Variants in FIBCD1 observed in about 807,000 individuals in gnomAD.
The protein encoded by FIBCD1 is fibrinogen C domain-containing protein 1.
Under a neutral mutation model 45.1 loss-of-function variants are expected in FIBCD1, and 47 were observed. That is an observed-to-expected ratio of 1.04 (90% CI 0.82 to 1.33). FIBCD1 has a LOEUF of 1.33. FIBCD1 is among the 40% of genes most tolerant of loss of function. The pLI is 0.00. For missense variants in FIBCD1, 653 were observed against 682.2 expected, an observed-to-expected ratio of 0.96 and a Z score of 0.48; for synonymous variants, 313 against 308.1, an observed-to-expected ratio of 1.02 and a Z score of -0.17.
At chr9:130,935,275 A>C (rs1486787748) in intron 1 of FIBCD1, among the ~76,000 whole-genome samples, 1 of 152,226 alleles carries the variant, frequency 6.6e-6, no homozygotes, top group African/African-American at 2.4e-5. Flanking sequence ...GACAGCTCAG[A>C]AACAAGCCCC....
At chr9:130,930,133 G>T in intron 1 of FIBCD1, 87 bp from the exon 2 acceptor site, 1 of 1,430,964 alleles carries the variant, frequency 7.0e-7, no homozygotes, top group East Asian at 2.5e-5. Flanking sequence ...GGGGTCAGAG[G>T]ACCCCCTTCT....
Position 130,904,120 on chromosome 9 carries a change from G to A in FIBCD1, c.1330C>T (p.Gln444Ter). 6.2e-7 allele frequency: 1 copy of A among 1,613,258 alleles called. No individual in the cohort carries two copies. The highest frequency in any genetic ancestry group is 8.5e-7 in the Non-Finnish European group (1 of 1,179,872). ...ATCTCAGAGAACTTGAGTGAGTACT[G>A]CCAGCCGGTCCAGGAGGACCACTCC... Reference protein sequence around the residue: ...GVEWSSWTGWQYSLKFSEMKI... With the variant: ...GVEWSSWTGW Residue 444 changes from glutamine to a stop codon, truncating the protein, a stop_gained, in exon 7 of 7, where the codon CAG becomes TAG. Coordinates refer to ENST00000372338, the MANE Select transcript of FIBCD1 (RefSeq NM_032843.5). LOFTEE classifies it high-confidence loss of function.
At chr9:130,911,761 A>C (rs770604739) in intron 5 of FIBCD1, 31 bp downstream of exon 5, 1 of 1,572,138 alleles carries the variant, frequency 6.4e-7, no homozygotes, top group Non-Finnish European at 8.6e-7. Context: ...GAGGAGGCCC[A>C]CCTGGGCCGG....
At chr9:130,930,261 G>A (rs1276937611) in intron 1 of FIBCD1, among the ~76,000 whole-genome samples, 3 of 152,172 alleles carry the variant, frequency 2.0e-5, no homozygotes, top group African/African-American at 7.2e-5. Flanking sequence ...GACACAGTGA[G>A]CGCCTCAGGG....
rs1397645479 is a variant in FIBCD1 at position 130,902,574 on chromosome 9, G to A, written c.*1490C>T. 6.6e-6 allele frequency: 1 copy of A among 152,284 alleles called. No individual in the cohort carries two copies. Among genetic ancestry groups the A allele is most frequent in the Non-Finnish European group, 1.5e-5 (1 of 68,056 alleles). The allele number at this position is 152,284 out of a possible 1,614,324, so 9.4% of individuals were successfully genotyped here. ...TTCAGTGGGAGGGGAAGGGAGAACG[G>A]AACCCCACACCCCCTAGGCACCTGC... On this transcript the variant is annotated 3_prime_UTR_variant, in exon 7 of 7. Coordinates refer to ENST00000372338, the MANE Select transcript of FIBCD1 (RefSeq NM_032843.5).
chr9:130,931,014 T>A (rs559338758), intron 1 of FIBCD1, among the ~76,000 whole-genome samples: 31 of 152,164 alleles, frequency 2.0e-4, no homozygotes, highest in African/African-American at 6.7e-4. Context: ...ACATGGGGGC[T>A]CCTAGGCACC....
chr9:130,924,964 A>G (rs1319016525), intron 2 of FIBCD1, among the ~76,000 whole-genome samples: 2 of 152,142 alleles, frequency 1.3e-5, no homozygotes, highest in African/African-American at 4.8e-5. Flanking sequence ...CTTCCAGGCT[A>G]CCAGACATCC....
chr9:130,912,986 C>T (rs554368311), intron 4 of FIBCD1, among the ~76,000 whole-genome samples: 50 of 152,098 alleles, frequency 3.3e-4, no homozygotes, highest in Non-Finnish European at 6.5e-4. Flanking sequence ...GCTGGGAAAC[C>T]GGAGTCCAGG....
At chr9:130,917,238 A>G (rs1832178596) in intron 4 of FIBCD1, among the ~76,000 whole-genome samples, 2 of 152,254 alleles carry the variant, frequency 1.3e-5, no homozygotes, top group African/African-American at 2.4e-5. Context: ...ACGATTGAGT[A>G]GAAACACTCG....
intron 4 of FIBCD1, among the ~76,000 whole-genome samples, chr9:130,913,643 C>T (rs893042983): frequency 1.4e-4 from 21 of 152,172 alleles, no homozygotes; most frequent in Admixed American, 3.3e-4. Context: ...GAAGGAAATT[C>T]GATCAGGCTC....
In FIBCD1 at chr9:130,926,839, G is replaced by T. The variant is rs1042783382; in HGVS notation, c.553-2443C>A. 6.6e-5 allele frequency among the ~76,000 whole-genome samples: 10 copies of T among 152,010 alleles called. No homozygotes were observed. The highest frequency in any genetic ancestry group is 2.2e-4 in the African/African-American group (9 of 41,474). Reference sequence around the variant, plus strand: ...ACCGTGTCTCAAAAAATAAATAAATGAATTAAAATAAAATAAAATGGGATA... The same window carrying T: ...ACCGTGTCTCAAAAAATAAATAAATTAATTAAAATAAAATAAAATGGGATA... On this transcript the variant is annotated intron_variant, in intron 2 of 6. Transcript: ENST00000372338. The surrounding 1 kb of genome is among the most constrained non-coding windows in gnomAD (Gnocchi z 4.1).
Position 130,929,966 on chromosome 9 carries a change from C to T in FIBCD1, c.153G>A (p.Val51=). The change falls in exon 2 of 7, where the codon GTG becomes GTA. Residue 51 remains valine (V), a synonymous_variant. Coordinates refer to ENST00000372338, the MANE Select transcript of FIBCD1 (RefSeq NM_032843.5). ...GCGCGTGGGCGTGGTTCAGGAAGAG[C>T]ACGGCACCGGTGACAGCTACAGCCA... ...VLLAVAVTGA[V]LFLNHAHAPG... 1 of 1,548,450 alleles carries T rather than the reference C, an allele frequency of 6.5e-7. No homozygotes were observed. Among genetic ancestry groups the T allele is most frequent in the Non-Finnish European group, 8.7e-7 (1 of 1,145,908 alleles).
chr9:130,916,211 G>A (rs1294572879), intron 4 of FIBCD1, among the ~76,000 whole-genome samples: 1 of 152,230 alleles, frequency 6.6e-6, no homozygotes, highest in East Asian at 1.9e-4. Context: ...TTATAGGCGT[G>A]AGCCACCGCG....
chr9:130,922,806 G>A lies in FIBCD1; in HGVS notation c.849+938C>T, dbSNP rs890169584. Among the ~76,000 whole-genome samples, 2 of 151,948 alleles carry A rather than the reference G, an allele frequency of 1.3e-5. No homozygotes were observed. The highest frequency in any genetic ancestry group is 6.6e-5 in the Admixed American group (1 of 15,262). The stretch of plus-strand genomic sequence containing the variant: ...TCTCATCACGCACCACAAATCCCTC[G>A]GGCCCTGCTCCTCAGATGTTCCCTG... On this transcript the variant is annotated intron_variant, in intron 4 of 6. Transcript: ENST00000372338. This position sits in a 1 kb window ranked among gnomAD's most constrained non-coding sequence, Gnocchi z 4.5.
intron 2 of FIBCD1, among the ~76,000 whole-genome samples, chr9:130,924,641 G>A (rs965228022): frequency 6.6e-6 from 1 of 152,310 alleles, no homozygotes; most frequent in Middle Eastern, 3.4e-3. Context: ...GGCGGGAGGG[G>A]AAGGAGGCTC....
At chr9:130,904,690 C>A (rs543387068) in intron 6 of FIBCD1, among the ~76,000 whole-genome samples, 1 of 152,180 alleles carries the variant, frequency 6.6e-6, no homozygotes, top group South Asian at 2.1e-4. Flanking sequence ...AGAGACCCAG[C>A]GGACCCGAAC....
Position 130,905,336 on chromosome 9 carries a change from T to C in FIBCD1, c.1024A>G (p.Thr342Ala), listed in dbSNP as rs1485571537. The change falls in exon 6 of 7, where the codon ACG becomes GCG. Residue 342 changes from threonine to alanine, a missense_variant. Thr to Ala is a moderately conservative substitution (Grantham distance 58, BLOSUM62 0). Transcript: ENST00000372338. ...HVDLEDFENG[T>A]AYARYGSFGV... ...AAGCTCCCGTAGCGGGCATAGGCCGTGCCATTCTCAAAGTCCTCCAGGTCC... is the reference window on the plus strand; with the variant it reads ...AAGCTCCCGTAGCGGGCATAGGCCGCGCCATTCTCAAAGTCCTCCAGGTCC... 1 of 1,614,014 alleles carries C rather than the reference T, an allele frequency of 6.2e-7. No individual in the cohort carries two copies. Among genetic ancestry groups the C allele is most frequent in the Non-Finnish European group, 8.5e-7 (1 of 1,179,994 alleles).
chr9:130,937,240 G>A (rs1374926432), intron 1 of FIBCD1, among the ~76,000 whole-genome samples: 1 of 152,190 alleles, frequency 6.6e-6, no homozygotes, highest in Non-Finnish European at 1.5e-5. Flanking sequence ...TGGCTTAGGT[G>A]CAGACCTGAC....
At chr9:130,906,841 C>T (rs969034349) in intron 5 of FIBCD1, among the ~76,000 whole-genome samples, 2 of 152,204 alleles carry the variant, frequency 1.3e-5, no homozygotes, top group Non-Finnish European at 2.9e-5. Context: ...ATTACAGAAT[C>T]CCTGGGCGGC....
Sources: gnomAD v4.1 joint callset for allele counts (sites outside exome capture counted in the v4.1 genomes callset) on GRCh38, gnomAD v4.1.1 for gene constraint, Gnocchi (gnomAD v3.1) non-coding constraint, MANE v1.5 for transcripts, NCBI Gene and HGNC (gene_info 2026-07-23, HGNC 2026-07-21) for gene names.